TOR2A: variants seen among roughly 807,000 people sequenced by gnomAD.
The protein encoded by TOR2A is torsin family 2 member A.
In TOR2A, 24 loss-of-function variants were observed where a neutral mutation model predicts 28.6. The observed-to-expected ratio is 0.84, with a 90% CI of 0.61 to 1.18. The LOEUF (loss-of-function observed/expected upper bound fraction) is 1.18, where lower values mean the gene tolerates loss of function less well. Among genes scored for constraint, TOR2A ranks in the 50% most tolerant of loss-of-function variants. TOR2A has a pLI of 0.00. For synonymous variants in TOR2A, 203 were observed against 203.1 expected (o/e 1.00, Z 0.00); for missense variants, 426 against 448.1 (o/e 0.95, Z 0.45).
chr9:127,731,815 T>G lies in TOR2A; in HGVS notation c.*219A>C. The G allele has an allele frequency of 4.3e-6, 4 of 930,372 alleles. No individual in the cohort carries two copies. The highest frequency in any genetic ancestry group is 4.6e-6 in the Non-Finnish European group (3 of 650,394). The allele number at this position is 930,372 out of a possible 1,614,324, so 57.6% of individuals were successfully genotyped here. ...GCTGCAGGGGGAGGTCAAGGCTCAG[T>G]GAGGTTCTGGGGTGACCAGGGGTTT... On this transcript the variant is annotated 3_prime_UTR_variant, in exon 5 of 5. Coordinates refer to ENST00000373284, the MANE Select transcript of TOR2A (RefSeq NM_001085347.3).
chr9:127,733,896 TG>T (rs1454996798), intron 2 of TOR2A: 1 of 419,412 alleles, frequency 2.4e-6, no homozygotes, highest in Non-Finnish European at 4.3e-6. Context: ...CTGATCAGCC[TG>T]GTGGGTACCC....
Position 127,733,477 on chromosome 9 carries a change from G to C in TOR2A, c.501C>G (p.Pro167=). 1 of 1,613,974 alleles carries C rather than the reference G, an allele frequency of 6.2e-7. No individual in the cohort carries two copies. Among genetic ancestry groups the C allele is most frequent in the Non-Finnish European group, 8.5e-7 (1 of 1,180,028 alleles). ...LFLFDEMDKM[P]PGLMEVLRPF... is the part of the protein sequence containing the mutation. Reference sequence around the variant, plus strand: ...GCCGCAGGACTTCCATCAGGCCTGGGGGCATCTTGTCCATCTCATCGAAGA... The same window carrying C: ...GCCGCAGGACTTCCATCAGGCCTGGCGGCATCTTGTCCATCTCATCGAAGA... Residue 167 remains proline, a synonymous_variant, in exon 3 of 5, where the codon CCC becomes CCG. Transcript: ENST00000373284.
chr9:127,734,144 A>G, intron 2 of TOR2A, 155 bp downstream of exon 2: 1 of 998,482 alleles, frequency 1.0e-6, no homozygotes, highest in Non-Finnish European at 1.4e-6. Context: ...AGGTAGAATG[A>G]CACCTTCCCA....
chr9:127,732,969 A>G (rs1844518276), intron 3 of TOR2A: 2 of 1,374,022 alleles, frequency 1.5e-6, no homozygotes, highest in Non-Finnish European at 1.9e-6. Flanking sequence ...TCGGGGCATC[A>G]TTATTGGCCC....
At position 127,734,451 on chromosome 9, in the gene TOR2A, G is replaced by A; in HGVS notation, c.265C>T (p.Leu89Phe). 1 of 1,610,278 alleles carries A rather than the reference G, an allele frequency of 6.2e-7. No individual in the cohort carries two copies. The highest frequency in any genetic ancestry group is 1.3e-5 in the African/African-American group (1 of 74,954). The change falls in exon 2 of 5, where the codon CTC becomes TTC. Residue 89 changes from leucine to phenylalanine, a missense_variant. Coordinates refer to ENST00000373284, the MANE Select transcript of TOR2A (RefSeq NM_001085347.3). ...RDPAPTKPLV[L>F]SLHGWTGTGK... is the part of the protein sequence containing the mutation. ...GTGCCGGTCCAGCCGTGCAGGGAGA[G>A]GACCAGCGGCTTGGTGGGGGCTGGG...
intron 2 of TOR2A, 27 bp downstream of exon 2, chr9:127,734,272 C>A: frequency 6.5e-7 from 1 of 1,546,080 alleles, no homozygotes; most frequent in Non-Finnish European, 8.7e-7. Context: ...ATGGTGAGAA[C>A]AGTGGTCAAG....
chr9:127,732,478 G>C, intron 4 of TOR2A, 86 bp downstream of exon 4: 1 of 1,468,648 alleles, frequency 6.8e-7, no homozygotes, highest in Non-Finnish European at 9.0e-7. Context: ...TGCCGGGTCA[G>C]TGGGCAAAGC....
rs745828547 is a variant in TOR2A at position 127,734,376 on chromosome 9, C to T, written c.340G>A (p.Gly114Ser). 6 of 1,612,470 alleles carry T rather than the reference C, an allele frequency of 3.7e-6. No homozygotes were observed. The East Asian group carries it at 1.1e-4, about 30-fold the overall frequency. ...SLLAHYLFQG[G>S]LRSPRVHHFS... ...TGGTGCACGCGGGGGCTGCGGAGGC[C>T]GCCCTGGAAGAGGTAGTGCGCCAGC... is the stretch of plus-strand genomic sequence containing the variant. Residue 114 changes from glycine to serine, a missense_variant, in exon 2 of 5, where the codon GGC (glycine) becomes AGC (serine). Gly to Ser is a moderately conservative substitution (Grantham distance 56). Transcript: ENST00000373284.
At chr9:127,733,009 G>A (rs890572565) in intron 3 of TOR2A, 8 of 1,387,914 alleles carry the variant, frequency 5.8e-6, no homozygotes, top group African/African-American at 1.5e-5. Context: ...CAGAGGCTCA[G>A]AGAGGCGGAG....
chr9:127,732,020 C>G lies in TOR2A; in HGVS notation c.*14G>C. The G allele has an allele frequency of 1.2e-6, 2 of 1,608,882 alleles. No individual in the cohort carries two copies. The highest frequency in any genetic ancestry group is 1.7e-6 in the Non-Finnish European group (2 of 1,177,056). Reference sequence around the variant, plus strand: ...GCCTGGCCATCAGGGGGGCCGAGGACACCACTCAGAGAGTCAGAGGAAGAA... The same window carrying G: ...GCCTGGCCATCAGGGGGGCCGAGGAGACCACTCAGAGAGTCAGAGGAAGAA... On this transcript the variant is annotated 3_prime_UTR_variant, in exon 5 of 5. Transcript: ENST00000373284.
At chr9:127,732,312 G>A (rs1175769002) in intron 4 of TOR2A, 34 bp from the exon 5 acceptor site, 2 of 1,539,626 alleles carry the variant, frequency 1.3e-6, no homozygotes, top group Non-Finnish European at 1.8e-6. Flanking sequence ...GGGACTTTGT[G>A]CTTCACAAGA....
At chr9:127,732,799 G>A (rs537745872) in intron 3 of TOR2A, 108 bp from the exon 4 acceptor site, 57 of 1,466,918 alleles carry the variant, frequency 3.9e-5, no homozygotes, top group Middle Eastern at 3.5e-4. Context: ...GGCTCAGTGC[G>A]GGGAGGAGCC....
chr9:127,733,129 A>G, intron 3 of TOR2A: 2 of 1,524,184 alleles, frequency 1.3e-6, no homozygotes, highest in Non-Finnish European at 1.8e-6. Context: ...AAAAGAGGGA[A>G]AACTTCTTGA....
At chr9:127,734,866 C>T in intron 1 of TOR2A, 1 of 564,258 alleles carries the variant, frequency 1.8e-6, no homozygotes, top group Non-Finnish European at 2.8e-6. Context: ...CCTTTGACGG[C>T]CAGGCCATTC....
Position 127,735,193 on chromosome 9 carries a change from G to A in TOR2A, c.78C>T (p.Ala26=), listed in dbSNP as rs1172406229. The A allele has an allele frequency of 2.0e-6, 3 of 1,481,202 alleles. No individual in the cohort carries two copies. Among genetic ancestry groups the A allele is most frequent in the Non-Finnish European group, 2.7e-6 (3 of 1,124,294 alleles). The allele number at this position is 1,481,202 out of a possible 1,614,324, so 91.8% of individuals were successfully genotyped here. ...AGCGCAGGGAAGCCAGGTCCCAGGC[G>A]GCGGCCGCGGCCGAGACCAGCCCGA... ...GLLGLVSAAA[A]AWDLASLRCT... is the part of the protein sequence containing the mutation. The change falls in exon 1 of 5, where the codon GCC becomes GCT. Residue 26 remains alanine (A), a synonymous_variant. Coordinates refer to ENST00000373284, the MANE Select transcript of TOR2A (RefSeq NM_001085347.3).
At chr9:127,734,784 T>G (rs1356172657) in intron 1 of TOR2A, 1 of 560,734 alleles carries the variant, frequency 1.8e-6, no homozygotes, top group African/African-American at 2.0e-5. Flanking sequence ...TAGATTGCAC[T>G]CAGCTCTAAA....
chr9:127,734,132 C>A, intron 2 of TOR2A, 167 bp downstream of exon 2: 1 of 871,932 alleles, frequency 1.1e-6, no homozygotes, highest in Non-Finnish European at 1.7e-6. Flanking sequence ...GTACTCCCTG[C>A]CAGGTAGAAT....
At chr9:127,734,693 C>T (rs1196943859) in intron 1 of TOR2A, 129 bp from the exon 2 acceptor site, 18 of 1,136,544 alleles carry the variant, frequency 1.6e-5, no homozygotes, top group Non-Finnish European at 2.0e-5. Flanking sequence ...GCACATGGCA[C>T]GCAAACCTTG....
intron 3 of TOR2A, chr9:127,732,995 G>C (rs1050481007): frequency 2.9e-6 from 4 of 1,384,736 alleles, no homozygotes; most frequent in Non-Finnish European, 1.9e-6. Context: ...TTCAGAAGCA[G>C]AGACAGAGGC....
Sources: gnomAD v4.1 joint callset for allele counts on GRCh38, gnomAD v4.1.1 for gene constraint, MANE v1.5 for transcripts, NCBI Gene and HGNC (gene_info 2026-07-23, HGNC 2026-07-21) for gene names.